Variants in CARF observed in about 807,000 individuals in gnomAD.
The protein encoded by CARF is calcium-responsive transcription factor.
In CARF, 57 loss-of-function variants were observed where a neutral mutation model predicts 82.0. The ratio of observed to expected loss-of-function variants is 0.70; its 90% CI spans 0.56 to 0.87. The LOEUF is 0.87. Ranked by LOEUF, CARF falls within the 40% of genes least tolerant of loss-of-function variation. The probability of loss-of-function intolerance (pLI) is 0.00; values close to 1 mark genes in which losing one functional copy is unlikely to be tolerated. For synonymous variants in CARF, 268 were observed against 290.1 expected (o/e 0.92, Z 0.77); for missense variants, 771 against 855.8 (o/e 0.90, Z 1.24).
At chr2:202,954,836 C>T (rs1007742641) in intron 7 of CARF, among the ~76,000 whole-genome samples, 7 of 151,180 alleles carry the variant, frequency 4.6e-5, no homozygotes, top group Non-Finnish European at 7.4e-5. Flanking sequence ...GGTAAAACCC[C>T]GTCTCTACTA....
chr2:202,917,293 A>G (rs1689914940), intron 1 of CARF, among the ~76,000 whole-genome samples: 1 of 151,918 alleles, frequency 6.6e-6, no homozygotes, highest in Non-Finnish European at 1.5e-5. Context: ...ATATAAGATA[A>G]AATCCACTTT....
At chr2:202,922,397 A>G (rs72936866) in intron 2 of CARF, among the ~76,000 whole-genome samples, 13,571 of 152,250 alleles carry the variant, frequency 0.089, 746 homozygotes, top group Non-Finnish European at 0.12. Context: ...GATTACAGGC[A>G]TGAGCTACCA....
chr2:202,942,819 A>G lies in CARF; in HGVS notation c.158A>G (p.Glu53Gly). The change falls in exon 5 of 17, where the codon GAA becomes GGA. Residue 53 changes from glutamate (E) to glycine (G), a missense_variant. Physicochemically the swap from Glu to Gly is moderately conservative, Grantham distance 98 (BLOSUM62 -2). Coordinates refer to ENST00000438828, the MANE Select transcript of CARF (RefSeq NM_024744.17). ...ACAGTTTTGCCCATCACTACTCGTG[A>G]AGCAAATAATTCACTCATATCACAG... Reference protein sequence around the residue: ...SPTVLPITTREANNSLISQNI... With the variant: ...SPTVLPITTRGANNSLISQNI... 1 of 1,614,072 alleles carries G rather than the reference A, an allele frequency of 6.2e-7. No homozygotes were observed. Among genetic ancestry groups the G allele is most frequent in the East Asian group, 2.2e-5 (1 of 44,878 alleles).
intron 8 of CARF, among the ~76,000 whole-genome samples, chr2:202,960,695 T>TGCCTTCCCACCTTCCCGCCTTCCC (rs1420910123): frequency 6.6e-6 from 1 of 151,362 alleles, no homozygotes; most frequent in East Asian, 1.9e-4. Flanking sequence ...CCTGCCTTCC[T>TGCCTTCCCACCTTCCCGCCTTCCC]GCCTTCCCAC....
chr2:202,958,603 T>A (rs1012056902), intron 8 of CARF, among the ~76,000 whole-genome samples: 2 of 152,002 alleles, frequency 1.3e-5, no homozygotes, highest in Non-Finnish European at 2.9e-5. Context: ...TCCCAAGCTG[T>A]ATCAGTGATA....
Position 202,981,694 on chromosome 2 carries a change from C to T in CARF, c.1689+9C>T. The T allele has an allele frequency of 6.2e-7, 1 of 1,605,162 alleles. No individual in the cohort carries two copies. The highest frequency in any genetic ancestry group is 8.5e-7 in the Non-Finnish European group (1 of 1,176,088). On this transcript the variant is annotated intron_variant, in intron 15 of 16. Coordinates refer to ENST00000438828, the MANE Select transcript of CARF (RefSeq NM_024744.17). Reference sequence around the variant, plus strand: ...TATTTACACAACTACAGGTAGGTATCCAGTAAAATATCCAAATTTGAGGTC... The same window carrying T: ...TATTTACACAACTACAGGTAGGTATTCAGTAAAATATCCAAATTTGAGGTC...
Position 202,952,825 on chromosome 2 carries a change from C to G in CARF, c.427+146C>G, listed in dbSNP as rs542014171. The G allele has an allele frequency of 3.9e-6, 3 of 773,162 alleles. No homozygotes were observed. In the East Asian group the frequency reaches 8.7e-5, roughly 22 times the overall value. The allele number at this position is 773,162 out of a possible 1,614,324, so 47.9% of individuals were successfully genotyped here. On this transcript the variant is annotated intron_variant, in intron 6 of 16. Transcript: ENST00000438828. ...AATAATTAGAAAACAGCTCTTTGCCCAAATAAATTCAAAGTTCATTTTTCA... is the reference window on the plus strand; with the variant it reads ...AATAATTAGAAAACAGCTCTTTGCCGAAATAAATTCAAAGTTCATTTTTCA...
chr2:202,916,962 G>A (rs1689791478), intron 1 of CARF, among the ~76,000 whole-genome samples: 1 of 152,076 alleles, frequency 6.6e-6, no homozygotes, highest in Non-Finnish European at 1.5e-5. Context: ...TGTAATCCCA[G>A]CACTTTGGGA....
chr2:202,939,497 T>C (rs919390956), intron 3 of CARF, among the ~76,000 whole-genome samples: 3 of 152,116 alleles, frequency 2.0e-5, no homozygotes, highest in African/African-American at 7.2e-5. Context: ...CATTTTCCCT[T>C]TTCTATTCTT....
rs549400817 is a variant in CARF, at chr2:202,939,768, G to A, written c.-43-2092G>A. Among the ~76,000 whole-genome samples the A allele has an allele frequency of 1.0e-3, 138 of 137,996 alleles. 1 individual carries two copies. The highest frequency in any genetic ancestry group is 4.3e-3 in the Middle Eastern group (1 of 232). 90.5% of individuals were successfully genotyped at this position (137,996 alleles called of 152,430 possible). A position where few individuals can be genotyped will look rare whatever the true frequency, so the allele number is the denominator to read the frequency against. On this transcript the variant is annotated intron_variant, in intron 3 of 16. Coordinates refer to ENST00000438828, the MANE Select transcript of CARF (RefSeq NM_024744.17). ...CAGTGGCATGATTATGGCTCACTGC[G>A]GCCTCAGACTCCTGAACTCAAGAGA...
chr2:202,954,608 G>A (rs948481137), intron 7 of CARF, among the ~76,000 whole-genome samples: 120 of 151,978 alleles, frequency 7.9e-4, no homozygotes, highest in African/African-American at 2.7e-3. Context: ...AGCTACTTGG[G>A]AGGCTGAGGC....
intron 5 of CARF, among the ~76,000 whole-genome samples, chr2:202,950,674 T>C (rs1345442619): frequency 1.3e-5 from 2 of 152,224 alleles, no homozygotes; most frequent in African/African-American, 4.8e-5. Context: ...CTGTGTAACC[T>C]TCTATGAGTT....
chr2:202,935,293 A>C (rs1007144125), intron 3 of CARF, among the ~76,000 whole-genome samples: 1 of 129,672 alleles, frequency 7.7e-6, no homozygotes. Flanking sequence ...TTCTACTTAT[A>C]TATATTATAT....
intron 9 of CARF, 122 bp downstream of exon 9, chr2:202,961,548 T>A: frequency 1.3e-6 from 1 of 772,568 alleles, no homozygotes; most frequent in Non-Finnish European, 2.1e-6. Flanking sequence ...GCTAATTGAT[T>A]AAAATGCATA....
chr2:202,943,289 GC>G (rs1168489079), intron 5 of CARF, among the ~76,000 whole-genome samples: 1 of 152,030 alleles, frequency 6.6e-6, no homozygotes, highest in Non-Finnish European at 1.5e-5. Flanking sequence ...GGCCAGGCTG[GC>G]CTCAAACTCC....
At chr2:202,925,524 C>T (rs775342130) in intron 3 of CARF, 11 of 220,842 alleles carry the variant, frequency 5.0e-5, no homozygotes, top group African/African-American at 7.0e-5. Flanking sequence ...GAGCTGCAGA[C>T]GCTGCCTGGG....
rs373250499 is a variant in CARF at position 202,933,542 on chromosome 2, G to C, written c.-43-8318G>C. ...CTCTTGCTTCCCTCCTTGCTGCAGG[G>C]AGTTCTTCCTGGTTCCTAGCTCTTC... On this transcript the variant is annotated intron_variant, in intron 3 of 16. Coordinates refer to ENST00000438828, the MANE Select transcript of CARF (RefSeq NM_024744.17). Among the ~76,000 whole-genome samples, 144 of 152,290 alleles carry C rather than the reference G, an allele frequency of 9.5e-4. 1 individual carries two copies. Among genetic ancestry groups the C allele is most frequent in the African/African-American group, 3.3e-3 (136 of 41,560 alleles).
At chr2:202,924,467 C>A (rs1034640862) in intron 3 of CARF, 52 bp downstream of exon 3, 14 of 152,090 alleles carry the variant, frequency 9.2e-5, no homozygotes, top group African/African-American at 3.1e-4. Context: ...TGTTTTAGCA[C>A]CATTAGTTAA....
At chr2:202,982,493 A>T in intron 16 of CARF, 52 bp downstream of exon 16, 4 of 1,589,218 alleles carry the variant, frequency 2.5e-6, no homozygotes, top group African/African-American at 2.7e-5. Flanking sequence ...GTGGATTATC[A>T]TCACTATATT....
Sources: allele counts gnomAD v4.1 joint callset (sites outside exome capture counted in the v4.1 genomes callset), GRCh38; gene constraint gnomAD v4.1.1; transcripts MANE v1.5; gene names NCBI Gene and HGNC (gene_info 2026-07-23, HGNC 2026-07-21).